The following TRPV5 variants were observed in gnomAD, a reference collection of about 807,000 sequenced individuals.
TRPV5 encodes transient receptor potential cation channel subfamily V member 5.
In TRPV5, 66 loss-of-function variants were observed where a neutral mutation model predicts 74.1. That is an observed-to-expected ratio of 0.89 (90% CI 0.73 to 1.09). TRPV5 has a LOEUF of 1.09. TRPV5 is among the 50% of genes least tolerant of loss of function. The pLI, the probability that TRPV5 is intolerant of heterozygous loss-of-function variation, is 0.00. For synonymous variants in TRPV5, 399 were observed against 360.7 expected, an observed-to-expected ratio of 1.11 and a Z score of -1.20; for missense variants, 936 against 930.4, an observed-to-expected ratio of 1.01 and a Z score of -0.08.
rs544148884 is a variant in TRPV5, at chr7:142,913,205, GA to G, written c.1520-456del. Among the ~76,000 whole-genome samples the G allele has an allele frequency of 5.9e-5, 9 of 152,232 alleles. No individual in the cohort carries two copies. The East Asian group carries it at 9.6e-4, about 16-fold the overall frequency. On this transcript the variant is annotated intron_variant, in intron 12 of 14. Coordinates refer to ENST00000265310, the MANE Select transcript of TRPV5 (RefSeq NM_019841.7). ...AAAGAAGAGCCCCTTTTTTAATCTTGATGGCCTCTAGATAACCCTCCATCAC... is the reference window on the plus strand; with the variant it reads ...AAAGAAGAGCCCCTTTTTTAATCTTGTGGCCTCTAGATAACCCTCCATCAC...
Position 142,915,528 on chromosome 7 carries a change from C to T in TRPV5, c.1163G>A (p.Gly388Glu), listed in dbSNP as rs1286528317. ...ETREDIIRLV[G>E]ELVSIVGAVI... Reference sequence around the variant, plus strand: ...AGCCCCAACGATGCTCACCAGCTCCCCCACCAGCCTGATGATATCTTCACG... The same window carrying T: ...AGCCCCAACGATGCTCACCAGCTCCTCCACCAGCCTGATGATATCTTCACG... The change falls in exon 9 of 15, where the codon GGG becomes GAG. Residue 388 changes from glycine (G) to glutamate (E), a missense_variant. Physicochemically the swap from Gly to Glu is moderately conservative, Grantham distance 98. Transcript: ENST00000265310. 1 of 1,614,128 alleles carries T rather than the reference C, an allele frequency of 6.2e-7. No individual in the cohort carries two copies. Among genetic ancestry groups the T allele is most frequent in the East Asian group, 2.2e-5 (1 of 44,866 alleles).
At chr7:142,915,453 G>T (rs754961711) in intron 9 of TRPV5, 29 bp downstream of exon 9, 118 of 1,613,056 alleles carry the variant, frequency 7.3e-5, no homozygotes, top group Non-Finnish European at 8.6e-5. Flanking sequence ...GATGGGATGG[G>T]ATTAGCCTGG....
At chr7:142,930,476 A>C (rs763104003) in intron 1 of TRPV5, 30 bp from the exon 2 acceptor site, 1 of 1,547,280 alleles carries the variant, frequency 6.5e-7, no homozygotes, top group Non-Finnish European at 8.9e-7. Context: ...AGTTTGGAAG[A>C]GACAGTCATA....
Position 142,933,485 on chromosome 7 carries a change from A to G in TRPV5, c.-26T>C, listed in dbSNP as rs1796132866. On this transcript the variant is annotated 5_prime_UTR_variant, in exon 1 of 15. Coordinates refer to ENST00000265310, the MANE Select transcript of TRPV5 (RefSeq NM_019841.7). ...GTCTTCTCCTTGCAGACACTGGCAG[A>G]TTATAGAAATGTGGCGAAAGAAACA... 2 of 1,605,518 alleles carry G rather than the reference A, an allele frequency of 1.2e-6. No homozygotes were observed. Among genetic ancestry groups the G allele is most frequent in the Admixed American group, 1.7e-5 (1 of 58,158 alleles).
intron 12 of TRPV5, among the ~76,000 whole-genome samples, chr7:142,913,350 GCCT>G (rs2116577516): frequency 6.6e-6 from 1 of 152,322 alleles, no homozygotes; most frequent in South Asian, 2.1e-4. Context: ...CTGCTTGAAA[GCCT>G]CCTCACTGCA....
intron 12 of TRPV5, 62 bp from the exon 13 acceptor site, chr7:142,912,812 C>T: frequency 6.4e-7 from 1 of 1,554,820 alleles, no homozygotes; most frequent in South Asian, 1.2e-5. Flanking sequence ...TAAGCATGGA[C>T]ATGGTTAGCA....
At position 142,917,908 on chromosome 7, in the gene TRPV5, T is replaced by C. The variant is rs76536792; in HGVS notation, c.1123-2340A>G. Among the ~76,000 whole-genome samples, 7 of 152,348 alleles carry C rather than the reference T, an allele frequency of 4.6e-5. No homozygotes were observed. In the East Asian group the frequency reaches 1.2e-3, roughly 25 times the overall value. ...CTCTGGAAAACAAAAACAATATATG[T>C]ATGTAAAAGTTGCAATAGAAGTAAT... On this transcript the variant is annotated intron_variant, in intron 8 of 14. Transcript: ENST00000265310.
chr7:142,912,563 G>A lies in TRPV5; in HGVS notation c.1707C>T (p.Leu569=). Residue 569 remains leucine (L), a synonymous_variant, in exon 13 of 15, where the codon CTC becomes CTT. Transcript: ENST00000265310. ...TCATGGCGATGAACAAGTTGAGCAT[G>A]AGCAGTGTGGCAATGATGGTGAAGG... ...NFAFTIIATL[L]MLNLFIAMMG... is the part of the protein sequence containing the mutation. 6.2e-7 allele frequency: 1 copy of A among 1,614,146 alleles called. No homozygotes were observed. The highest frequency in any genetic ancestry group is 8.5e-7 in the Non-Finnish European group (1 of 1,179,946).
intron 12 of TRPV5, among the ~76,000 whole-genome samples, chr7:142,914,047 G>A (rs4252492): frequency 0.047 from 7,160 of 152,170 alleles, 336 homozygotes; most frequent in African/African-American, 0.13. Context: ...TTGACTGGGT[G>A]CCTGTGTGTT....
At chr7:142,916,326 G>T (rs1008319091) in intron 8 of TRPV5, among the ~76,000 whole-genome samples, 1 of 152,144 alleles carries the variant, frequency 6.6e-6, no homozygotes, top group Non-Finnish European at 1.5e-5. Flanking sequence ...GGGTCAAGGT[G>T]GAATGAAGAC....
At chr7:142,912,829 C>T (rs1195277582) in intron 12 of TRPV5, 79 bp from the exon 13 acceptor site, 2 of 1,327,048 alleles carry the variant, frequency 1.5e-6, no homozygotes, top group East Asian at 4.8e-5. Flanking sequence ...AGCACTTATT[C>T]TATCTCTGAT....
intron 8 of TRPV5, among the ~76,000 whole-genome samples, chr7:142,924,302 A>ATG (rs1491376805): frequency 3.1e-5 from 1 of 32,668 alleles, no homozygotes. Flanking sequence ...ATATATATAC[A>ATG]TATATATATA....
intron 13 of TRPV5, among the ~76,000 whole-genome samples, chr7:142,910,537 A>C (rs915188542): frequency 6.6e-6 from 1 of 152,244 alleles, no homozygotes; most frequent in Admixed American, 6.5e-5. Flanking sequence ...AAAAGGGTGC[A>C]ATCAGAATAG....
intron 8 of TRPV5, chr7:142,925,179 C>A (rs1795961510): frequency 2.1e-6 from 1 of 485,216 alleles, no homozygotes. Context: ...GGACTTGGAG[C>A]ACAATTTTCC....
chr7:142,924,581 T>C (rs1795953528), intron 8 of TRPV5, among the ~76,000 whole-genome samples: 1 of 151,990 alleles, frequency 6.6e-6, no homozygotes, highest in African/African-American at 2.4e-5. Flanking sequence ...CGACTGAAAC[T>C]ACCCTGCTTC....
intron 7 of TRPV5, among the ~76,000 whole-genome samples, chr7:142,926,505 G>C (rs1387461205): frequency 6.6e-6 from 1 of 152,158 alleles, no homozygotes; most frequent in Non-Finnish European, 1.5e-5. Flanking sequence ...GGGGAGGAGA[G>C]AGACAGTGGG....
chr7:142,910,583 C>T (rs928040347), intron 13 of TRPV5, among the ~76,000 whole-genome samples: 1 of 152,148 alleles, frequency 6.6e-6, no homozygotes, highest in Non-Finnish European at 1.5e-5. Context: ...TGAAGGAGTG[C>T]AATCTTCAAA....
Position 142,928,791 on chromosome 7 carries a change from G to T in TRPV5, c.662C>A (p.Ser221Tyr), listed in dbSNP as rs763234907. ...CAGGTGGTCCCCATGTCCATCATAGGACAGCAGCAGGTTGTACATCTGGCA... is the reference window on the plus strand; with the variant it reads ...CAGGTGGTCCCCATGTCCATCATAGTACAGCAGCAGGTTGTACATCTGGCA... Reference protein sequence around the residue: ...FACQMYNLLLSYDGHGDHLQP... With the variant: ...FACQMYNLLLYYDGHGDHLQP... Residue 221 changes from serine to tyrosine, a missense_variant, in exon 6 of 15, where the codon TCC becomes TAC. Transcript: ENST00000265310. 3 of 1,614,148 alleles carry T rather than the reference G, an allele frequency of 1.9e-6. No homozygotes were observed. The highest frequency in any genetic ancestry group is 2.5e-6 in the Non-Finnish European group (3 of 1,180,008).
At chr7:142,933,028 C>T (rs1417608043) in intron 1 of TRPV5, among the ~76,000 whole-genome samples, 2 of 152,234 alleles carry the variant, frequency 1.3e-5, no homozygotes, top group African/African-American at 4.8e-5. Flanking sequence ...CCCCATCCCA[C>T]ACAACCTGGC....
Sources: gnomAD v4.1 joint callset for allele counts (sites outside exome capture counted in the v4.1 genomes callset) on GRCh38, gnomAD v4.1.1 for gene constraint, MANE v1.5 for transcripts, NCBI Gene and HGNC (gene_info 2026-07-23, HGNC 2026-07-21) for gene names.